SAMMSON: variants seen among roughly 807,000 people sequenced by gnomAD.
SAMMSON encodes long intergenic non-protein coding RNA 1212.
intron 6 of SAMMSON, among the ~76,000 whole-genome samples, chr3:70,283,390 T>C (rs1702108008): frequency 6.6e-6 from 1 of 152,224 alleles, no homozygotes; most frequent in African/African-American, 2.4e-5. Flanking sequence ...GGATGGTTAT[T>C]GTTCAGGCTG....
chr3:70,125,150 A>G (rs2067451606), intron 4 of SAMMSON: 1 of 1,566,624 alleles, frequency 6.4e-7, no homozygotes, highest in Non-Finnish European at 8.8e-7. Flanking sequence ...TCCAAAAAGC[A>G]CATATCCATT....
At chr3:70,184,940 G>A (rs2106707612) in intron 4 of SAMMSON, among the ~76,000 whole-genome samples, 1 of 152,266 alleles carries the variant, frequency 6.6e-6, no homozygotes, top group Non-Finnish European at 1.5e-5. Flanking sequence ...TCTCCACCAA[G>A]GAGAATGCCA....
At chr3:70,202,823 CT>C (rs1314310682) in intron 4 of SAMMSON, among the ~76,000 whole-genome samples, 1 of 152,094 alleles carries the variant, frequency 6.6e-6, no homozygotes, top group Non-Finnish European at 1.5e-5. Flanking sequence ...AAATGTACAA[CT>C]GGGGACTGGC....
chr3:70,231,410 T>C (rs1701558990), intron 4 of SAMMSON, among the ~76,000 whole-genome samples: 1 of 152,080 alleles, frequency 6.6e-6, no homozygotes, highest in East Asian at 1.9e-4. Flanking sequence ...AGCTAAGCTC[T>C]ACCCCCAGAG....
chr3:70,361,664 GT>G (rs1275360048), intron 9 of SAMMSON, among the ~76,000 whole-genome samples: 28 of 152,128 alleles, frequency 1.8e-4, no homozygotes, highest in South Asian at 4.1e-4. Context: ...TAAATACAAA[GT>G]TGTGCATACT....
At chr3:70,042,938 G>T (rs943071484) in intron 3 of SAMMSON, among the ~76,000 whole-genome samples, 1 of 152,076 alleles carries the variant, frequency 6.6e-6, no homozygotes, top group Non-Finnish European at 1.5e-5. Context: ...CGCTTTGCCA[G>T]TGAATATAAA....
At chr3:70,171,168 A>T (rs967136995) in intron 4 of SAMMSON, among the ~76,000 whole-genome samples, 1 of 151,810 alleles carries the variant, frequency 6.6e-6, no homozygotes, top group African/African-American at 2.4e-5. Context: ...TTTTAATTTT[A>T]CTTTTTCCCC....
chr3:70,378,772 C>T (rs1309197235), intron 9 of SAMMSON, among the ~76,000 whole-genome samples: 2 of 151,846 alleles, frequency 1.3e-5, no homozygotes, highest in Non-Finnish European at 2.9e-5. Flanking sequence ...ATGACATACA[C>T]ATAAGATTAT....
intron 6 of SAMMSON, among the ~76,000 whole-genome samples, chr3:70,268,780 TA>T (rs1277887438): frequency 1.3e-5 from 2 of 152,212 alleles, no homozygotes; most frequent in Admixed American, 1.3e-4. Context: ...TATATCTGAT[TA>T]TTTGCATCAT....
At chr3:70,107,794 A>G (rs755655363) in intron 4 of SAMMSON, among the ~76,000 whole-genome samples, 1 of 152,062 alleles carries the variant, frequency 6.6e-6, no homozygotes, top group Non-Finnish European at 1.5e-5. Flanking sequence ...CTGTCTTACA[A>G]ATTGCAATGA....
chr3:70,274,103 G>T (rs1461339635), intron 6 of SAMMSON, among the ~76,000 whole-genome samples: 1 of 148,580 alleles, frequency 6.7e-6, no homozygotes, highest in Admixed American at 6.8e-5. Flanking sequence ...GCGCGCGCAT[G>T]TGTGTGTGTG....
At chr3:70,315,875 T>C (rs956589848) in intron 7 of SAMMSON, among the ~76,000 whole-genome samples, 2 of 151,616 alleles carry the variant, frequency 1.3e-5, no homozygotes, top group Non-Finnish European at 2.9e-5. Flanking sequence ...CCAAGAAGAG[T>C]AAATACATCT....
At chr3:70,048,036 G>T (rs1314428857) in intron 3 of SAMMSON, among the ~76,000 whole-genome samples, 1 of 151,980 alleles carries the variant, frequency 6.6e-6, no homozygotes, top group Non-Finnish European at 1.5e-5. Context: ...GCAATGATTT[G>T]AATAGCAAAA....
At chr3:70,275,872 TTTAA>T (rs1195084536) in intron 6 of SAMMSON, among the ~76,000 whole-genome samples, 1 of 152,192 alleles carries the variant, frequency 6.6e-6, no homozygotes, top group Non-Finnish European at 1.5e-5. Context: ...GTACCGTGTG[TTTAA>T]TTAGGCAATA....
chr3:70,040,739 A>G (rs901857795), intron 3 of SAMMSON, among the ~76,000 whole-genome samples: 2 of 152,066 alleles, frequency 1.3e-5, no homozygotes, highest in Non-Finnish European at 2.9e-5. Context: ...TGCTCTTCCC[A>G]CCGCCTGCCA....
At chr3:70,415,119 T>C (rs920201855) in intron 2 of SAMMSON, among the ~76,000 whole-genome samples, 2 of 152,164 alleles carry the variant, frequency 1.3e-5, no homozygotes, top group African/African-American at 4.8e-5. Context: ...CCCTGTTGAC[T>C]TCTGCCAACA....
At chr3:70,259,298 T>C (rs751653187) in intron 6 of SAMMSON, among the ~76,000 whole-genome samples, 1 of 152,120 alleles carries the variant, frequency 6.6e-6, no homozygotes, top group African/African-American at 2.4e-5. Flanking sequence ...CATTTATCCA[T>C]TTAAAGAAAG....
At chr3:70,302,026 G>T (rs1702354051) in intron 7 of SAMMSON, among the ~76,000 whole-genome samples, 1 of 152,084 alleles carries the variant, frequency 6.6e-6, no homozygotes, top group African/African-American at 2.4e-5. Context: ...TGGAAATTTA[G>T]CTCAAGAAGA....
At chr3:70,243,634 TCCCTAGCC>T (rs1356440475) in intron 4 of SAMMSON, among the ~76,000 whole-genome samples, 1 of 152,172 alleles carries the variant, frequency 6.6e-6, no homozygotes, top group Non-Finnish European at 1.5e-5. Context: ...GGTGGCAGCG[TCCCTAGCC>T]TCTACCCACT....
Sources: gnomAD v4.1 joint callset for allele counts (sites outside exome capture counted in the v4.1 genomes callset) on GRCh38, gnomAD v4.1.1 for gene constraint, MANE v1.5 for transcripts, NCBI Gene and HGNC (gene_info 2026-07-23, HGNC 2026-07-21) for gene names.